The following FBXL20 variants were observed in gnomAD, a reference collection of about 807,000 sequenced individuals.
The protein encoded by FBXL20 is F-box/LRR-repeat protein 20.
Under a neutral mutation model 64.0 loss-of-function variants are expected in FBXL20, and 11 were observed. The observed-to-expected ratio is 0.17, with a 90% CI of 0.11 to 0.28. The LOEUF is 0.28. Among genes scored for constraint, FBXL20 ranks in the 10% least tolerant of loss-of-function variants. The pLI, the probability that FBXL20 is intolerant of heterozygous loss-of-function variation, is 1.00. For synonymous variants in FBXL20, 184 were observed against 189.0 expected (o/e 0.97, Z 0.22); for missense variants, 303 against 526.2 (o/e 0.58, Z 4.15).
At chr17:39,317,509 C>T (rs997067084) in intron 2 of FBXL20, among the ~76,000 whole-genome samples, 4 of 151,796 alleles carry the variant, frequency 2.6e-5, no homozygotes, top group Non-Finnish European at 4.4e-5. Context: ...GGATTACAGG[C>T]GTGATCCACC....
At chr17:39,339,461 T>C (rs1028234760) in intron 2 of FBXL20, among the ~76,000 whole-genome samples, 1 of 152,068 alleles carries the variant, frequency 6.6e-6, no homozygotes, top group Non-Finnish European at 1.5e-5. Flanking sequence ...CAGGAGACTT[T>C]TCTGTATTCA....
Position 39,286,752 on chromosome 17 carries a change from T to A in FBXL20, c.399-1179A>T, listed in dbSNP as rs149676350. ...GGCGGAGGTTGCAGCGAGCCAAGAT[T>A]GCACCATTGCACTCCAGCCTGGGCA... On this transcript the variant is annotated intron_variant, in intron 6 of 14. Transcript: ENST00000264658. 4.9e-3 allele frequency among the ~76,000 whole-genome samples: 744 copies of A among 151,586 alleles called. 8 individuals carry two copies. The highest frequency in any genetic ancestry group is 0.017 in the African/African-American group (708 of 41,408).
At chr17:39,292,296 T>C (rs1396020361) in intron 6 of FBXL20, among the ~76,000 whole-genome samples, 1 of 150,792 alleles carries the variant, frequency 6.6e-6, no homozygotes, top group Admixed American at 6.6e-5. Context: ...CTAGTATTTA[T>C]AATAGTATGT....
intron 9 of FBXL20, among the ~76,000 whole-genome samples, chr17:39,279,206 G>A (rs758048134): frequency 2.6e-5 from 4 of 151,918 alleles, no homozygotes; most frequent in East Asian, 1.9e-4. Flanking sequence ...TATAGTAATC[G>A]GAATTGTAAG....
At chr17:39,400,225 A>T (rs1188418979) in intron 1 of FBXL20, among the ~76,000 whole-genome samples, 1 of 152,186 alleles carries the variant, frequency 6.6e-6, no homozygotes, top group Non-Finnish European at 1.5e-5. Flanking sequence ...TGCACCCAAA[A>T]CACTTCCTAT....
At chr17:39,270,553 TA>T (rs1198744534) in intron 11 of FBXL20, among the ~76,000 whole-genome samples, 2 of 151,814 alleles carry the variant, frequency 1.3e-5, no homozygotes, top group African/African-American at 2.4e-5. Flanking sequence ...CAAAAAAATT[TA>T]AAAAAAATTG....
chr17:39,287,154 G>A (rs1423844164), intron 6 of FBXL20, among the ~76,000 whole-genome samples: 2 of 151,852 alleles, frequency 1.3e-5, no homozygotes, highest in African/African-American at 4.8e-5. Flanking sequence ...CTTGTGATCT[G>A]CCCGCCTCGG....
intron 14 of FBXL20, 80 bp downstream of exon 14, chr17:39,264,094 CT>C: frequency 6.9e-7 from 1 of 1,447,802 alleles, no homozygotes; most frequent in Admixed American, 2.0e-5. Flanking sequence ...TCATAGGAAC[CT>C]AAATTTGAAA....
At chr17:39,361,783 C>T (rs1444761179) in intron 1 of FBXL20, among the ~76,000 whole-genome samples, 2 of 151,836 alleles carry the variant, frequency 1.3e-5, no homozygotes, top group African/African-American at 2.4e-5. Context: ...AGCGACAGAG[C>T]GAGACTCCGT....
At chr17:39,347,758 C>A (rs2047648413) in intron 1 of FBXL20, among the ~76,000 whole-genome samples, 1 of 152,058 alleles carries the variant, frequency 6.6e-6, no homozygotes. Context: ...GTCATGGAGT[C>A]CTTGCCCACC....
intron 1 of FBXL20, among the ~76,000 whole-genome samples, chr17:39,357,770 T>C (rs1427208135): frequency 6.6e-6 from 1 of 152,256 alleles, no homozygotes. Flanking sequence ...CGTTCATATT[T>C]ACCTCTGAAA....
In FBXL20 at chr17:39,253,934, G is replaced by T. The variant is rs1481112945; in HGVS notation, c.*7526C>A. The T allele has an allele frequency of 6.7e-6, 1 of 149,928 alleles. No individual in the cohort carries two copies. Among genetic ancestry groups the T allele is most frequent in the Non-Finnish European group, 1.5e-5 (1 of 67,386 alleles). 9.3% of individuals were successfully genotyped at this position (149,928 alleles called of 1,614,324 possible). On this transcript the variant is annotated 3_prime_UTR_variant, in exon 15 of 15. Transcript: ENST00000264658. ...TCTCTAGTGCCATAAAAAAGGAAAA[G>T]AAAAAAAAAGAGTAGAATAATGACT...
chr17:39,276,391 C>A (rs1663933538), intron 9 of FBXL20, among the ~76,000 whole-genome samples: 1 of 151,404 alleles, frequency 6.6e-6, no homozygotes, highest in Non-Finnish European at 1.5e-5. Flanking sequence ...GTTATTGAGG[C>A]CGGGCATGGT....
intron 1 of FBXL20, among the ~76,000 whole-genome samples, chr17:39,387,084 A>T (rs138047865): frequency 2.0e-5 from 3 of 152,338 alleles, no homozygotes; most frequent in Non-Finnish European, 4.4e-5. Context: ...TGGAAACTGC[A>T]ATGAGTACAC....
chr17:39,349,890 C>T (rs1041358629), intron 1 of FBXL20, among the ~76,000 whole-genome samples: 8 of 150,384 alleles, frequency 5.3e-5, no homozygotes, highest in South Asian at 2.1e-4. Flanking sequence ...GAGCAGAGAT[C>T]GCGCCACTGC....
At chr17:39,357,946 T>C (rs1197470758) in intron 1 of FBXL20, among the ~76,000 whole-genome samples, 3 of 152,210 alleles carry the variant, frequency 2.0e-5, no homozygotes, top group Non-Finnish European at 4.4e-5. Context: ...AAAGTATTAG[T>C]TCAGGTTTTC....
At chr17:39,372,516 CAAAAAAAAAAAA>C (rs747264126) in intron 1 of FBXL20, among the ~76,000 whole-genome samples, 12 of 41,166 alleles carry the variant, frequency 2.9e-4, no homozygotes, top group South Asian at 1.5e-3. Flanking sequence ...AGACTCTGAC[CAAAAAAAAAAAA>C]AAAAAAAAAA....
chr17:39,386,816 C>T (rs2048085976), intron 1 of FBXL20, among the ~76,000 whole-genome samples: 1 of 152,158 alleles, frequency 6.6e-6, no homozygotes, highest in South Asian at 2.1e-4. Flanking sequence ...ATGTGGAGCA[C>T]ACATATTCTC....
chr17:39,279,269 C>T (rs1208698260), intron 9 of FBXL20, among the ~76,000 whole-genome samples: 1 of 152,126 alleles, frequency 6.6e-6, no homozygotes, highest in Non-Finnish European at 1.5e-5. Flanking sequence ...GAGGCTGAGG[C>T]AGGCAGATTG....
Sources: allele counts gnomAD v4.1 joint callset (sites outside exome capture counted in the v4.1 genomes callset), GRCh38; gene constraint gnomAD v4.1.1; transcripts MANE v1.5; gene names NCBI Gene and HGNC (gene_info 2026-07-23, HGNC 2026-07-21).